RHBDD1: variants seen among roughly 807,000 people sequenced by gnomAD.
The protein encoded by RHBDD1 is rhomboid-related protein 4.
A neutral mutation model predicts 36.3 loss-of-function variants in RHBDD1; 38 were observed. That is an observed-to-expected ratio of 1.05 (90% CI 0.81 to 1.37). The LOEUF (loss-of-function observed/expected upper bound fraction) is 1.37. RHBDD1 is among the 40% of genes most tolerant of loss of function. The pLI, the probability that RHBDD1 is intolerant of heterozygous loss-of-function variation, is 0.00. For missense variants in RHBDD1, 393 were observed against 377.6 expected, an observed-to-expected ratio of 1.04 and a Z score of -0.34; for synonymous variants, 151 against 136.5, an observed-to-expected ratio of 1.11 and a Z score of -0.74.
At chr2:226,836,737 C>CT (rs1574712727) in intron 1 of RHBDD1, among the ~76,000 whole-genome samples, 2 of 152,290 alleles carry the variant, frequency 1.3e-5, no homozygotes, top group Non-Finnish European at 2.9e-5. Context: ...GTTTGGGTCT[C>CT]TGCAGTACAC....
At chr2:226,932,867 T>C (rs751849472) in intron 8 of RHBDD1, among the ~76,000 whole-genome samples, 61 of 152,000 alleles carry the variant, frequency 4.0e-4, no homozygotes, top group Admixed American at 1.6e-3. Context: ...CCAAGGGAAA[T>C]GGTGGTTCTG....
At chr2:226,805,898 T>C in the RHBDD1 span, among the ~76,000 whole-genome samples, 3 of 152,140 alleles carry the variant, frequency 2.0e-5, no homozygotes, top group Admixed American at 6.6e-5. Context: ...CCCTCCTCAA[T>C]TGCAAGGCAA....
intron 7 of RHBDD1, among the ~76,000 whole-genome samples, chr2:226,913,518 T>G (rs1948668301): frequency 6.6e-6 from 1 of 152,192 alleles, no homozygotes; most frequent in Non-Finnish European, 1.5e-5. Context: ...AAAATGAACT[T>G]TTCCCTGTTA....
At chr2:226,943,807 G>A (rs1008190113) in intron 8 of RHBDD1, among the ~76,000 whole-genome samples, 2 of 152,176 alleles carry the variant, frequency 1.3e-5, no homozygotes, top group African/African-American at 4.8e-5. Context: ...CTTTGAGATT[G>A]TGACATTTGT....
intron 8 of RHBDD1, among the ~76,000 whole-genome samples, chr2:226,967,293 T>C (rs562696526): frequency 6.6e-6 from 1 of 152,334 alleles, no homozygotes; most frequent in East Asian, 1.9e-4. Context: ...GTCTGGCTTA[T>C]AGGAGGGCTG....
intron 8 of RHBDD1, among the ~76,000 whole-genome samples, chr2:226,981,945 G>A (rs1264081869): frequency 1.3e-5 from 2 of 152,194 alleles, no homozygotes; most frequent in Non-Finnish European, 2.9e-5. Context: ...CGCCCTCATG[G>A]TCCAAGTTAT....
At chr2:226,843,715 T>C (rs1056477534) in intron 3 of RHBDD1, among the ~76,000 whole-genome samples, 1 of 152,216 alleles carries the variant, frequency 6.6e-6, no homozygotes, top group Non-Finnish European at 1.5e-5. Context: ...ATCAAGGATA[T>C]TGGCCTGAAT....
intron 8 of RHBDD1, chr2:226,988,739 T>C (rs1361159479): frequency 1.1e-6 from 1 of 915,458 alleles, no homozygotes; most frequent in Non-Finnish European, 1.3e-6. Context: ...TATTAAGAGA[T>C]AGAACGAGCA....
chr2:226,806,068 G>A, the RHBDD1 span, among the ~76,000 whole-genome samples: 5 of 151,708 alleles, frequency 3.3e-5, no homozygotes, highest in Admixed American at 6.6e-5. Flanking sequence ...CAAGGTTAAC[G>A]AACATCTCTC....
chr2:226,995,482 A>T lies in RHBDD1; in HGVS notation c.908A>T (p.Glu303Val). The change falls in exon 9 of 9, where the codon GAA (glutamate) becomes GTA (valine). Residue 303 changes from glutamate (E) to valine (V), a missense_variant. Glu to Val is a moderately radical substitution (Grantham distance 121, BLOSUM62 -2). Transcript: ENST00000392062. ...TACGGGTTTCATCTCTCACCAGAAGAAATGAGGAGACAGCGGCTTCACAGA... is the reference window on the plus strand; with the variant it reads ...TACGGGTTTCATCTCTCACCAGAAGTAATGAGGAGACAGCGGCTTCACAGA... ...PPYGFHLSPE[E>V]MRRQRLHRFD... The T allele has an allele frequency of 6.2e-7, 1 of 1,613,350 alleles. No homozygotes were observed.
At chr2:226,800,589 G>A in the RHBDD1 span, among the ~76,000 whole-genome samples, 3 of 152,100 alleles carry the variant, frequency 2.0e-5, no homozygotes, top group Admixed American at 2.0e-4. Flanking sequence ...TCCGTGTGAC[G>A]GGGGGACTCA....
chr2:226,933,629 A>C (rs1423273259), intron 8 of RHBDD1, among the ~76,000 whole-genome samples: 1 of 152,036 alleles, frequency 6.6e-6, no homozygotes, highest in African/African-American at 2.4e-5. Flanking sequence ...CTGATCTGCT[A>C]CCTCAGGTCT....
intron 5 of RHBDD1, among the ~76,000 whole-genome samples, chr2:226,880,891 G>A (rs772587140): frequency 6.6e-6 from 1 of 152,104 alleles, no homozygotes; most frequent in Non-Finnish European, 1.5e-5. Context: ...AACATACTCC[G>A]TGTAGAAAAG....
At chr2:226,828,492 A>G in the RHBDD1 span, among the ~76,000 whole-genome samples, 5 of 152,230 alleles carry the variant, frequency 3.3e-5, no homozygotes, top group East Asian at 3.8e-4. Flanking sequence ...AAAAAACTGC[A>G]TAACTATTTT....
At chr2:226,875,077 A>C (rs1945111904) in intron 5 of RHBDD1, among the ~76,000 whole-genome samples, 1 of 152,080 alleles carries the variant, frequency 6.6e-6, no homozygotes, top group African/African-American at 2.4e-5. Context: ...CATCATAATT[A>C]ATCTGTGTTT....
chr2:226,906,383 G>C (rs796320547), intron 5 of RHBDD1, among the ~76,000 whole-genome samples: 8 of 152,130 alleles, frequency 5.3e-5, no homozygotes, highest in Non-Finnish European at 1.2e-4. Context: ...CCATAACACA[G>C]ATAGACATCA....
chr2:226,963,824 T>C (rs1319658373), intron 8 of RHBDD1, among the ~76,000 whole-genome samples: 2 of 151,936 alleles, frequency 1.3e-5, no homozygotes, highest in African/African-American at 4.8e-5. Context: ...CCTAAGAAAA[T>C]GGAATCCACC....
intron 5 of RHBDD1, among the ~76,000 whole-genome samples, chr2:226,885,850 C>T (rs1946157771): frequency 6.6e-6 from 1 of 152,050 alleles, no homozygotes. Flanking sequence ...ATGGATAGTG[C>T]AGAACAATAT....
At chr2:226,834,304 T>G (rs1940815226), upstream of RHBDD1, among the ~76,000 whole-genome samples, 1 of 152,256 alleles carries the variant, frequency 6.6e-6, no homozygotes, top group African/African-American at 2.4e-5. Context: ...AAATTACACA[T>G]TTCCCCCTCT....
Sources: gnomAD v4.1 joint callset for allele counts (sites outside exome capture counted in the v4.1 genomes callset) on GRCh38, gnomAD v4.1.1 for gene constraint, MANE v1.5 for transcripts, NCBI Gene and HGNC (gene_info 2026-07-23, HGNC 2026-07-21) for gene names.